ADAM2: variants seen among roughly 807,000 people sequenced by gnomAD.
ADAM2 encodes the protein ADAM metallopeptidase domain 2.
A neutral mutation model predicts 99.3 loss-of-function variants in ADAM2; 101 were observed. That is an observed-to-expected ratio of 1.02 (90% confidence interval 0.87 to 1.20). The LOEUF is 1.20. ADAM2 is among the 50% of genes most tolerant of loss of function. The pLI is 0.00. For missense variants in ADAM2, 948 were observed against 878.7 expected (o/e 1.08, Z -1.00); for synonymous variants, 323 against 287.6 (o/e 1.12, Z -1.25).
At chr8:39,781,146 T>C (rs528014121) in intron 10 of ADAM2, among the ~76,000 whole-genome samples, 2 of 152,112 alleles carry the variant, frequency 1.3e-5, no homozygotes, top group Admixed American at 1.3e-4. Context: ...CATATACATA[T>C]CAATGTGTGT....
intron 4 of ADAM2, among the ~76,000 whole-genome samples, chr8:39,823,551 T>C (rs1298511221): frequency 5.9e-5 from 9 of 151,882 alleles, no homozygotes; most frequent in Non-Finnish European, 1.2e-4. Context: ...TAACTGTACA[T>C]TTATCTTTCA....
intron 7 of ADAM2, among the ~76,000 whole-genome samples, chr8:39,800,781 A>C (rs1352970340): frequency 1.3e-5 from 2 of 152,046 alleles, no homozygotes; most frequent in African/African-American, 4.8e-5. Context: ...GGTGGTCTTC[A>C]AACTCTTATA....
chr8:39,772,680 A>G (rs959693616), intron 11 of ADAM2, among the ~76,000 whole-genome samples: 1 of 152,032 alleles, frequency 6.6e-6, no homozygotes, highest in African/African-American at 2.4e-5. Flanking sequence ...ATATTTCTTT[A>G]TCAACCACAT....
chr8:39,755,626 A>T (rs1410579333), intron 16 of ADAM2, 102 bp downstream of exon 16: 5 of 828,274 alleles, frequency 6.0e-6, no homozygotes, highest in Non-Finnish European at 9.6e-6. Context: ...GTGAGCAGAG[A>T]TCACACCACT....
intron 10 of ADAM2, among the ~76,000 whole-genome samples, chr8:39,777,374 G>A (rs1803033212): frequency 6.6e-6 from 1 of 151,922 alleles, no homozygotes; most frequent in African/African-American, 2.4e-5. Flanking sequence ...GACTCATTTG[G>A]TGGCCTCAGA....
intron 6 of ADAM2, among the ~76,000 whole-genome samples, chr8:39,816,242 A>C (rs1294880311): frequency 6.6e-6 from 1 of 152,218 alleles, no homozygotes; most frequent in Non-Finnish European, 1.5e-5. Flanking sequence ...GGTTGCAGTG[A>C]GCAGAGATCA....
chr8:39,744,756 C>A, intron 20 of ADAM2, 74 bp downstream of exon 20: 1 of 1,011,060 alleles, frequency 9.9e-7, no homozygotes, highest in Non-Finnish European at 1.5e-6. Flanking sequence ...ACCTATGTAA[C>A]AAACCTGCAC....
At chr8:39,813,599 GATGAGTTC>G (rs1804792341) in intron 6 of ADAM2, among the ~76,000 whole-genome samples, 1 of 152,194 alleles carries the variant, frequency 6.6e-6, no homozygotes, top group South Asian at 2.1e-4. Context: ...CATAAAAAAG[GATGAGTTC>G]ATGTCCTTTG....
chr8:39,775,138 C>G (rs11784467), intron 11 of ADAM2, among the ~76,000 whole-genome samples: 15,308 of 152,144 alleles, frequency 0.1, 825 homozygotes, highest in African/African-American at 0.13. Context: ...TGGTGTTTCA[C>G]TAAAGTGGCT....
intron 19 of ADAM2, 78 bp downstream of exon 19, chr8:39,746,394 C>A (rs7013381): frequency 3.5e-5 from 32 of 923,306 alleles, no homozygotes; most frequent in Non-Finnish European, 4.8e-5. Flanking sequence ...AATTATTACT[C>A]ATTACATCGA....
At chr8:39,776,098 C>T (rs1164265828) in intron 11 of ADAM2, among the ~76,000 whole-genome samples, 4 of 152,056 alleles carry the variant, frequency 2.6e-5, no homozygotes, top group Non-Finnish European at 5.9e-5. Flanking sequence ...AAAGACAAGC[C>T]GTCTTGCACC....
At chr8:39,810,987 A>T (rs1179867258) in intron 6 of ADAM2, among the ~76,000 whole-genome samples, 1 of 152,180 alleles carries the variant, frequency 6.6e-6, no homozygotes, top group Non-Finnish European at 1.5e-5. Flanking sequence ...AAAAAAATCA[A>T]TGAATCCAGG....
chr8:39,791,080 G>A (rs1487113318), intron 7 of ADAM2, among the ~76,000 whole-genome samples: 1 of 151,308 alleles, frequency 6.6e-6, no homozygotes, highest in Non-Finnish European at 1.5e-5. Flanking sequence ...AAGGATGTAA[G>A]GCCTCGAATG....
At chr8:39,746,412 G>T in intron 19 of ADAM2, 60 bp downstream of exon 19, 1 of 1,117,076 alleles carries the variant, frequency 9.0e-7, no homozygotes. Context: ...CGACCACATT[G>T]CTATTTACTA....
Position 39,810,348 on chromosome 8 carries a change from C to T in ADAM2, c.514-882G>A, listed in dbSNP as rs531499216. Reference sequence around the variant, plus strand: ...ACAATAATAATGGGCGACTTTAACACCCCACTGTCAACATTAGACAGATCA... The same window carrying T: ...ACAATAATAATGGGCGACTTTAACATCCCACTGTCAACATTAGACAGATCA... On this transcript the variant is annotated intron_variant, in intron 6 of 20. Coordinates refer to ENST00000265708, the MANE Select transcript of ADAM2 (RefSeq NM_001464.5). Among the ~76,000 whole-genome samples, 5 of 152,242 alleles carry T rather than the reference C, an allele frequency of 3.3e-5. No homozygotes were observed. The South Asian group carries it at 6.2e-4, about 19-fold the overall frequency.
intron 15 of ADAM2, among the ~76,000 whole-genome samples, chr8:39,756,235 T>G (rs957482107): frequency 1.3e-5 from 2 of 152,190 alleles, no homozygotes; most frequent in East Asian, 3.8e-4. Flanking sequence ...TTCACTTTCC[T>G]TTGAATCTGA....
chr8:39,833,928 A>C lies in ADAM2; in HGVS notation c.188+16T>G, dbSNP rs767534418. The C allele has an allele frequency of 1.2e-5, 16 of 1,327,330 alleles. No individual in the cohort carries two copies. Among genetic ancestry groups the C allele is most frequent in the Non-Finnish European group, 1.6e-5 (15 of 926,954 alleles). The allele number at this position is 1,327,330 out of a possible 1,614,324, so 82.2% of individuals were successfully genotyped here. On this transcript the variant is annotated intron_variant, in intron 3 of 20. Coordinates refer to ENST00000265708, the MANE Select transcript of ADAM2 (RefSeq NM_001464.5). ...GTAGAACAAAGAGAATTGATAAAAT[A>C]ATGATGATTACCTACTTTTGCATTA...
chr8:39,753,426 GA>G (rs199506988), intron 16 of ADAM2, among the ~76,000 whole-genome samples: 8,819 of 141,142 alleles, frequency 0.062, 578 homozygotes, highest in African/African-American at 0.16. Flanking sequence ...TGATGCAATA[GA>G]AAAAAAAAAA....
intron 3 of ADAM2, among the ~76,000 whole-genome samples, chr8:39,830,494 T>C (rs1805570062): frequency 6.6e-6 from 1 of 152,132 alleles, no homozygotes; most frequent in Non-Finnish European, 1.5e-5. Flanking sequence ...GCCAAAAAAT[T>C]TCCTGATTTG....
Sources: allele counts gnomAD v4.1 joint callset (sites outside exome capture counted in the v4.1 genomes callset), GRCh38; gene constraint gnomAD v4.1.1; transcripts MANE v1.5; gene names NCBI Gene and HGNC (gene_info 2026-07-23, HGNC 2026-07-21).